PAX7: variants seen among roughly 807,000 people sequenced by gnomAD.
The protein encoded by PAX7 is paired box 7, also known as paired box protein Pax-7.
A neutral mutation model predicts 50.7 loss-of-function variants in PAX7; 18 were observed. The ratio of observed to expected loss-of-function variants is 0.36; its 90% confidence interval spans 0.25 to 0.53. The LOEUF (loss-of-function observed/expected upper bound fraction) is 0.53. Among genes scored for constraint, PAX7 ranks in the 20% least tolerant of loss-of-function variants. The pLI, the probability that PAX7 is intolerant of heterozygous loss-of-function variation, is 0.93. For missense variants in PAX7, 644 were observed against 702.9 expected (o/e 0.92, Z 0.95); for synonymous variants, 310 against 290.4 (o/e 1.07, Z -0.69).
chr1:18,691,968 G>A lies in PAX7; in HGVS notation c.786+15G>A, dbSNP rs1173104192. ...CGCGTGTGCAGGTGAGGAGGCACCT[G>A]CGGTGTCGGTGCTGCAGATATACTC... On this transcript the variant is annotated intron_variant, in intron 5 of 8. Coordinates refer to ENST00000420770, the MANE Select transcript of PAX7 (RefSeq NM_001135254.2). 6.2e-7 allele frequency: 1 copy of A among 1,608,670 alleles called. No individual in the cohort carries two copies. Among genetic ancestry groups the A allele is most frequent in the East Asian group, 2.2e-5 (1 of 44,552 alleles).
chr1:18,709,695 C>G (rs2089327225), intron 7 of PAX7, among the ~76,000 whole-genome samples: 1 of 152,158 alleles, frequency 6.6e-6, no homozygotes, highest in South Asian at 2.1e-4. Context: ...ATCCAACCAC[C>G]TAAGAAACAT....
chr1:18,671,982 A>G (rs1348950976), intron 4 of PAX7, among the ~76,000 whole-genome samples: 1 of 152,006 alleles, frequency 6.6e-6, no homozygotes, highest in African/African-American at 2.4e-5. Context: ...GTCTCTTAAA[A>G]AAAAAAAAGT....
chr1:18,680,197 G>A (rs1409117831), intron 4 of PAX7, among the ~76,000 whole-genome samples: 2 of 152,106 alleles, frequency 1.3e-5, no homozygotes, highest in Non-Finnish European at 2.9e-5. Flanking sequence ...CCCACCCCTG[G>A]AGCTGCATCA....
intron 4 of PAX7, among the ~76,000 whole-genome samples, chr1:18,670,676 G>T (rs936550157): frequency 3.3e-5 from 5 of 152,160 alleles, no homozygotes; most frequent in Non-Finnish European, 5.9e-5. Flanking sequence ...CAGAAGCCTT[G>T]CTGGCCTCTC....
At chr1:18,732,181 G>A (rs760791441) in intron 7 of PAX7, among the ~76,000 whole-genome samples, 32 of 152,060 alleles carry the variant, frequency 2.1e-4, no homozygotes, top group South Asian at 1.2e-3. Context: ...TTTTTCCTCC[G>A]TAGCATTTAT....
rs2089243773 is a variant in PAX7 at position 18,703,183 on chromosome 1, A to G, written c.1042A>G (p.Thr348Ala). The G allele has an allele frequency of 6.2e-7, 1 of 1,613,204 alleles. No individual in the cohort carries two copies. Among genetic ancestry groups the G allele is most frequent in the African/African-American group, 1.3e-5 (1 of 74,916 alleles). Residue 348 changes from threonine to alanine, a missense_variant, in exon 7 of 9, where the codon ACC becomes GCC. Physicochemically the swap from Thr to Ala is moderately conservative, Grantham distance 58. Coordinates refer to ENST00000420770, the MANE Select transcript of PAX7 (RefSeq NM_001135254.2). ...GLAAAAAAAD[T>A]SSAYGARHSF... ...GGCTGCAGCGGCTGCAGCCGCCGAC[A>G]CCAGCTCTGCCTACGGAGCCCGCCA...
chr1:18,702,630 A>C (rs1166499708), intron 6 of PAX7, among the ~76,000 whole-genome samples: 1 of 152,168 alleles, frequency 6.6e-6, no homozygotes, highest in Non-Finnish European at 1.5e-5. Flanking sequence ...ATCTTGTGTG[A>C]GTGCCCCAAG....
intron 8 of PAX7, among the ~76,000 whole-genome samples, chr1:18,737,281 C>T (rs993692427): frequency 1.3e-5 from 2 of 152,208 alleles, no homozygotes; most frequent in African/African-American, 4.8e-5. Flanking sequence ...GGTGTCCTCT[C>T]CCCCAGCCCA....
intron 7 of PAX7, among the ~76,000 whole-genome samples, chr1:18,725,624 G>C (rs541048978): frequency 6.6e-6 from 1 of 152,228 alleles, no homozygotes; most frequent in Non-Finnish European, 1.5e-5. Context: ...CATTTGCCGC[G>C]TGAAAGTGTG....
chr1:18,717,854 G>A (rs560894250), intron 7 of PAX7, among the ~76,000 whole-genome samples: 68 of 152,334 alleles, frequency 4.5e-4, no homozygotes, highest in African/African-American at 1.4e-3. Flanking sequence ...AGACAAGCAA[G>A]TGACAAACCA....
At chr1:18,711,550 G>A (rs2089351843) in intron 7 of PAX7, among the ~76,000 whole-genome samples, 1 of 152,114 alleles carries the variant, frequency 6.6e-6, no homozygotes, top group African/African-American at 2.4e-5. Context: ...GTCTGGGGAG[G>A]AGAAGGTGCC....
intron 4 of PAX7, among the ~76,000 whole-genome samples, chr1:18,664,953 T>C (rs1213629465): frequency 6.6e-6 from 1 of 152,058 alleles, no homozygotes; most frequent in Non-Finnish European, 1.5e-5. Context: ...CCTGGCAGTG[T>C]AGTGTGGTGG....
Position 18,676,458 on chromosome 1 carries a change from C to T in PAX7, c.587-15296C>T, listed in dbSNP as rs984257204. 8.1e-5 allele frequency among the ~76,000 whole-genome samples: 11 copies of T among 136,162 alleles called. No individual in the cohort carries two copies. The East Asian group carries it at 2.4e-3, about 29-fold the overall frequency. The allele number at this position is 136,162 out of a possible 152,430, so 89.3% of individuals were successfully genotyped here. On this transcript the variant is annotated intron_variant, in intron 4 of 8. Transcript: ENST00000420770. The stretch of plus-strand genomic sequence containing the variant: ...GAAAGGCCTCTCGCTGCCCAGCGAC[C>T]AGCCGGAGACACAAGAGGCCCATGA...
rs758921663 is a variant in PAX7 at position 18,735,864 on chromosome 1, G to T, written c.1388G>T (p.Gly463Val). The T allele has an allele frequency of 8.1e-6, 13 of 1,613,998 alleles. No individual in the cohort carries two copies. Among genetic ancestry groups the T allele is most frequent in the Non-Finnish European group, 6.8e-6 (8 of 1,180,020 alleles). The change falls in exon 8 of 9, where the codon GGC (glycine) becomes GTC (valine). Residue 463 changes from glycine to valine, a missense_variant. By Grantham distance (109) the Gly-to-Val change is moderately radical. Transcript: ENST00000420770. The surrounding 1 kb of genome is among the most constrained non-coding windows in gnomAD (Gnocchi z 4.0). ...GACCCCGTGGCCGGCTATCAGTACG[G>T]CCAGTACGGCCAGAGTGAGTGCCTG... Reference protein sequence around the residue: ...SVDPVAGYQYGQYGQTAVDYL... With the variant: ...SVDPVAGYQYVQYGQTAVDYL...
intron 8 of PAX7, among the ~76,000 whole-genome samples, chr1:18,742,935 G>T (rs564030301): frequency 3.9e-5 from 6 of 152,272 alleles, no homozygotes; most frequent in Admixed American, 1.3e-4. Flanking sequence ...CCCCCATTCT[G>T]CAGACAAGGA....
chr1:18,693,918 C>T (rs1426199470), intron 5 of PAX7, among the ~76,000 whole-genome samples: 5 of 152,184 alleles, frequency 3.3e-5, no homozygotes, highest in Non-Finnish European at 2.9e-5. Flanking sequence ...TCAAGGTCCA[C>T]GGAGGGAGGG....
chr1:18,678,081 G>GAA (rs11349871), intron 4 of PAX7, among the ~76,000 whole-genome samples: 288 of 126,388 alleles, frequency 2.3e-3, no homozygotes, highest in African/African-American at 7.8e-3. Flanking sequence ...GACTCCGTCT[G>GAA]AAAAAAAAAA....
intron 4 of PAX7, among the ~76,000 whole-genome samples, chr1:18,644,770 T>C (rs955876674): frequency 2.0e-5 from 3 of 152,186 alleles, no homozygotes; most frequent in Admixed American, 6.5e-5. Context: ...CCACTTGGTA[T>C]TGGAAGGGTC....
intron 3 of PAX7, 59 bp downstream of exon 3, chr1:18,635,299 G>C: frequency 6.3e-7 from 1 of 1,588,404 alleles, no homozygotes; most frequent in African/African-American, 1.3e-5. Flanking sequence ...GTCCAGTGTG[G>C]AGGGCTGGAG....
Sources: gnomAD v4.1 joint callset for allele counts (sites outside exome capture counted in the v4.1 genomes callset) on GRCh38, gnomAD v4.1.1 for gene constraint, Gnocchi (gnomAD v3.1) non-coding constraint, MANE v1.5 for transcripts, NCBI Gene and HGNC (gene_info 2026-07-23, HGNC 2026-07-21) for gene names.